KCNIP4: variants seen among roughly 807,000 people sequenced by gnomAD.
KCNIP4 encodes Kv channel-interacting protein 4.
Under a neutral mutation model 34.0 loss-of-function variants are expected in KCNIP4, and 12 were observed. The observed-to-expected ratio is 0.35, with a 90% confidence interval of 0.23 to 0.57. The LOEUF (loss-of-function observed/expected upper bound fraction) is 0.57, where lower values mean the gene tolerates loss of function less well. Among genes scored for constraint, KCNIP4 ranks in the 20% least tolerant of loss-of-function variants. KCNIP4 has a pLI of 0.83. For missense variants in KCNIP4, 238 were observed against 311.7 expected, an observed-to-expected ratio of 0.76 and a Z score of 1.78; for synonymous variants, 124 against 102.2, an observed-to-expected ratio of 1.21 and a Z score of -1.29.
rs1285082741 is a variant in KCNIP4 at position 21,137,722 on chromosome 4, C to T, written c.62-255013G>A. Among the ~76,000 whole-genome samples, 4 of 152,018 alleles carry T rather than the reference C, an allele frequency of 2.6e-5. No homozygotes were observed. The Middle Eastern group carries it at 0.014, about 517-fold the overall frequency. On this transcript the variant is annotated intron_variant, in intron 1 of 8. Transcript: ENST00000382152. ...AATACAGTTATGATGAGATTACTAG[C>T]ATTTTAATGAAAAAAGCAGTGGTAA...
chr4:21,120,275 G>A (rs1750041683), intron 1 of KCNIP4, among the ~76,000 whole-genome samples: 2 of 152,150 alleles, frequency 1.3e-5, no homozygotes, highest in South Asian at 4.1e-4. Flanking sequence ...CACAGACTAG[G>A]GGGCTTAAAC....
At chr4:20,803,470 C>CAAAAAA (rs551176038) in intron 3 of KCNIP4, among the ~76,000 whole-genome samples, 30 of 85,890 alleles carry the variant, frequency 3.5e-4, no homozygotes, top group African/African-American at 8.8e-4. Context: ...TCATCTTTAC[C>CAAAAAA]AAAAAAAAAA....
intron 1 of KCNIP4, among the ~76,000 whole-genome samples, chr4:21,706,029 A>G (rs1005412911): frequency 6.6e-6 from 1 of 152,162 alleles, no homozygotes; most frequent in African/African-American, 2.4e-5. Context: ...GTTTAATGCT[A>G]TCCTTGGGAA....
At chr4:21,270,911 G>A (rs1762103222) in intron 1 of KCNIP4, among the ~76,000 whole-genome samples, 2 of 150,586 alleles carry the variant, frequency 1.3e-5, no homozygotes, top group South Asian at 2.1e-4. Flanking sequence ...GCTTGAACCT[G>A]GGAAGCAGAA....
intron 1 of KCNIP4, among the ~76,000 whole-genome samples, chr4:21,585,455 A>C (rs1270565288): frequency 6.6e-6 from 1 of 152,138 alleles, no homozygotes; most frequent in African/African-American, 2.4e-5. Flanking sequence ...AATAAAATAA[A>C]TACTACTTAC....
intron 1 of KCNIP4, among the ~76,000 whole-genome samples, chr4:21,070,044 G>A (rs1234863424): frequency 6.6e-6 from 1 of 152,096 alleles, no homozygotes; most frequent in Non-Finnish European, 1.5e-5. Flanking sequence ...GATCCAACTC[G>A]ATAATTTTAT....
At chr4:21,563,425 G>T (rs1342208678) in intron 1 of KCNIP4, among the ~76,000 whole-genome samples, 2 of 151,966 alleles carry the variant, frequency 1.3e-5, no homozygotes, top group Non-Finnish European at 2.9e-5. Flanking sequence ...TAATCTTTCT[G>T]TGTGTTACTA....
intron 1 of KCNIP4, among the ~76,000 whole-genome samples, chr4:21,866,444 G>C (rs1725420474): frequency 6.6e-6 from 1 of 152,184 alleles, no homozygotes; most frequent in Non-Finnish European, 1.5e-5. Context: ...CCCATTCATA[G>C]GACAGGCGCC....
At chr4:21,899,256 C>CA (rs1727573882) in intron 1 of KCNIP4, among the ~76,000 whole-genome samples, 1 of 152,034 alleles carries the variant, frequency 6.6e-6, no homozygotes, top group African/African-American at 2.4e-5. Context: ...TAAAAACCCT[C>CA]AAAAAACTGG....
intron 1 of KCNIP4, among the ~76,000 whole-genome samples, chr4:21,798,899 A>G (rs1415665688): frequency 1.3e-5 from 2 of 152,246 alleles, no homozygotes; most frequent in Admixed American, 6.5e-5. Context: ...TTGGTGTATC[A>G]ATACTTTTCA....
intron 1 of KCNIP4, among the ~76,000 whole-genome samples, chr4:21,272,471 T>C (rs1223444351): frequency 1.3e-5 from 2 of 152,154 alleles, no homozygotes; most frequent in African/African-American, 4.8e-5. Context: ...GTTATTATTA[T>C]CCCCATTTTA....
intron 1 of KCNIP4, among the ~76,000 whole-genome samples, chr4:21,030,318 T>C (rs1387119367): frequency 1.3e-5 from 2 of 152,106 alleles, no homozygotes; most frequent in Admixed American, 1.3e-4. Flanking sequence ...TGTCACCATC[T>C]CCCATTACCC....
intron 1 of KCNIP4, among the ~76,000 whole-genome samples, chr4:21,724,048 G>A (rs1715015074): frequency 6.6e-6 from 1 of 152,090 alleles, no homozygotes; most frequent in African/African-American, 2.4e-5. Context: ...ATATGAGTTG[G>A]AGAGAAGGCT....
chr4:21,731,383 G>C (rs7376538), intron 1 of KCNIP4, among the ~76,000 whole-genome samples: 46,325 of 151,942 alleles, frequency 0.3, 8,211 homozygotes, highest in East Asian at 0.68. Context: ...CTTTCGACGT[G>C]ATAGAGGACG....
chr4:21,532,858 CA>C (rs1251898858), intron 1 of KCNIP4, among the ~76,000 whole-genome samples: 1 of 151,834 alleles, frequency 6.6e-6, no homozygotes, highest in Non-Finnish European at 1.5e-5. Flanking sequence ...TTTTAAATTA[CA>C]GGAATCTACC....
At chr4:21,789,434 G>A (rs983430119) in intron 1 of KCNIP4, among the ~76,000 whole-genome samples, 2 of 152,090 alleles carry the variant, frequency 1.3e-5, no homozygotes, top group Non-Finnish European at 1.5e-5. Context: ...ACTAGATGGC[G>A]GTACCTACAC....
chr4:21,889,180 T>C (rs558890124), intron 1 of KCNIP4, among the ~76,000 whole-genome samples: 11 of 152,244 alleles, frequency 7.2e-5, no homozygotes, highest in African/African-American at 2.6e-4. Flanking sequence ...GCTGAGATAG[T>C]GACACTTTTG....
rs760416194 is a variant in KCNIP4, at chr4:21,788,941, C to T, written c.61+159630G>A. 5.9e-5 allele frequency among the ~76,000 whole-genome samples: 9 copies of T among 151,866 alleles called. No homozygotes were observed. In the East Asian group the frequency reaches 1.2e-3, roughly 20 times the overall value. On this transcript the variant is annotated intron_variant, in intron 1 of 8. Coordinates refer to ENST00000382152, the MANE Select transcript of KCNIP4 (RefSeq NM_025221.6). Reference sequence around the variant, plus strand: ...TACAACAATTAGCCAGGCGTGGCGGCGCGCGTCTGTAGTCTCAACTACTTG... The same window carrying T: ...TACAACAATTAGCCAGGCGTGGCGGTGCGCGTCTGTAGTCTCAACTACTTG...
intron 1 of KCNIP4, among the ~76,000 whole-genome samples, chr4:21,587,816 T>C (rs1741761411): frequency 6.6e-6 from 1 of 152,018 alleles, no homozygotes; most frequent in Admixed American, 6.6e-5. Context: ...TGGGAGGAAA[T>C]CTTAGCAAAC....
Sources: gnomAD v4.1 joint callset for allele counts (sites outside exome capture counted in the v4.1 genomes callset) on GRCh38, gnomAD v4.1.1 for gene constraint, MANE v1.5 for transcripts, NCBI Gene and HGNC (gene_info 2026-07-23, HGNC 2026-07-21) for gene names.